Variants in FHIT observed in about 807,000 individuals in gnomAD.
FHIT encodes the protein fragile histidine triad diadenosine triphosphatase, also known as bis(5'-adenosyl)-triphosphatase.
FHIT carries 19 observed loss-of-function variants against 17.9 expected under a neutral mutation model. The ratio of observed to expected loss-of-function variants is 1.06; its 90% CI spans 0.74 to 1.56. The LOEUF (loss-of-function observed/expected upper bound fraction) is 1.56, where lower values mean the gene tolerates loss of function less well. Ranked by LOEUF, FHIT falls within the 40% of genes most tolerant of loss-of-function variation. The pLI, the probability that FHIT is intolerant of heterozygous loss-of-function variation, is 0.00. For missense variants in FHIT, 248 were observed against 189.2 expected (o/e 1.31, Z -1.82); for synonymous variants, 81 against 69.7 (o/e 1.16, Z -0.81).
At chr3:60,860,872 AT>A (rs1703760050) in intron 3 of FHIT, among the ~76,000 whole-genome samples, 1 of 97,052 alleles carries the variant, frequency 1.0e-5, no homozygotes, top group Non-Finnish European at 2.1e-5. Flanking sequence ...GTACATATAT[AT>A]CATGTATATA....
At chr3:60,947,236 C>G (rs535256729) in intron 3 of FHIT, among the ~76,000 whole-genome samples, 1 of 152,130 alleles carries the variant, frequency 6.6e-6, no homozygotes, top group Non-Finnish European at 1.5e-5. Context: ...AGCCTCCTCT[C>G]AGACTAAATT....
intron 2 of FHIT, among the ~76,000 whole-genome samples, chr3:61,098,624 CTTT>C (rs1429331983): frequency 6.6e-6 from 1 of 152,150 alleles, no homozygotes; most frequent in Admixed American, 6.5e-5. Flanking sequence ...TCTCTGATTT[CTTT>C]GAGCAGAATT....
At chr3:60,023,131 T>C (rs1380965760) in intron 5 of FHIT, among the ~76,000 whole-genome samples, 1 of 152,138 alleles carries the variant, frequency 6.6e-6, no homozygotes, top group African/African-American at 2.4e-5. Flanking sequence ...AAGAAATAAA[T>C]TGCACTCAGC....
chr3:60,062,511 G>A (rs212003), intron 5 of FHIT, among the ~76,000 whole-genome samples: 1 of 151,984 alleles, frequency 6.6e-6, no homozygotes, highest in Admixed American at 6.6e-5. Flanking sequence ...CAAAACTTAA[G>A]TTGCTTGTAT....
chr3:61,232,949 C>T (rs931476500), intron 1 of FHIT, among the ~76,000 whole-genome samples: 3 of 152,122 alleles, frequency 2.0e-5, no homozygotes, highest in Admixed American at 6.5e-5. Context: ...AGGAAAATAA[C>T]GTACATACAT....
chr3:60,552,447 T>G (rs1306816428), intron 4 of FHIT, among the ~76,000 whole-genome samples: 2 of 152,190 alleles, frequency 1.3e-5, no homozygotes, highest in African/African-American at 4.8e-5. Flanking sequence ...CCACCACCAA[T>G]GAAAGAGGGT....
At chr3:61,048,653 A>G (rs1451768571) in intron 2 of FHIT, among the ~76,000 whole-genome samples, 1 of 152,214 alleles carries the variant, frequency 6.6e-6, no homozygotes, top group Non-Finnish European at 1.5e-5. Flanking sequence ...ATTATAAATC[A>G]TGCTGCTACA....
chr3:60,324,144 A>G (rs1203797131), intron 5 of FHIT, among the ~76,000 whole-genome samples: 2 of 152,182 alleles, frequency 1.3e-5, no homozygotes, highest in Non-Finnish European at 2.9e-5. Flanking sequence ...TAGAAGTATT[A>G]ACTCATTTAC....
chr3:60,564,101 G>A (rs1480403130), intron 4 of FHIT, among the ~76,000 whole-genome samples: 1 of 152,132 alleles, frequency 6.6e-6, no homozygotes, highest in African/African-American at 2.4e-5. Flanking sequence ...GTTGAAGTCA[G>A]TGGTCCTTGA....
At chr3:60,252,200 G>A (rs1309551620) in intron 5 of FHIT, among the ~76,000 whole-genome samples, 1 of 152,096 alleles carries the variant, frequency 6.6e-6, no homozygotes. Context: ...ACACAAAGAT[G>A]AATCAGACGA....
chr3:61,141,049 G>T (rs2037066614), intron 2 of FHIT, among the ~76,000 whole-genome samples: 1 of 152,134 alleles, frequency 6.6e-6, no homozygotes. Context: ...TTTACAATTT[G>T]AGGATACATA....
At chr3:60,140,134 T>G (rs146696519) in intron 5 of FHIT, among the ~76,000 whole-genome samples, 2 of 151,112 alleles carry the variant, frequency 1.3e-5, no homozygotes, top group South Asian at 4.2e-4. Context: ...AAAAAAAAAA[T>G]TGGTTAATTG....
intron 5 of FHIT, among the ~76,000 whole-genome samples, chr3:60,375,825 CA>C (rs1248483860): frequency 6.6e-6 from 1 of 152,006 alleles, no homozygotes; most frequent in Non-Finnish European, 1.5e-5. Flanking sequence ...CCTATAGATG[CA>C]ATGCTGTCAA....
At chr3:60,472,172 G>A (rs911152804) in intron 5 of FHIT, among the ~76,000 whole-genome samples, 12 of 150,302 alleles carry the variant, frequency 8.0e-5, no homozygotes, top group Non-Finnish European at 1.3e-4. Flanking sequence ...AAAAAAAAGA[G>A]CAAAAACAAC....
Position 60,014,120 on chromosome 3 carries a change from G to T in FHIT, c.136C>A (p.Arg46Ser), listed in dbSNP as rs376796193. The change falls in exon 6 of 10, where the codon CGC becomes AGC. Residue 46 changes from arginine (R) to serine (S), a missense_variant. Physicochemically the swap from Arg to Ser is moderately radical, Grantham distance 110 (BLOSUM62 -1). Transcript: ENST00000492590. ...TCATCAGGACGCAGGTCATGGAAGCGCTCCACTGGCCGCAGCGGGCACACA... is the reference window on the plus strand; with the variant it reads ...TCATCAGGACGCAGGTCATGGAAGCTCTCCACTGGCCGCAGCGGGCACACA... ...VLVCPLRPVE[R>S]FHDLRPDEVA... 1 of 1,614,056 alleles carries T rather than the reference G, an allele frequency of 6.2e-7. No homozygotes were observed. The highest frequency in any genetic ancestry group is 1.1e-5 in the South Asian group (1 of 91,086).
intron 4 of FHIT, among the ~76,000 whole-genome samples, chr3:60,723,749 G>A (rs2041859439): frequency 6.6e-6 from 1 of 152,116 alleles, no homozygotes; most frequent in Non-Finnish European, 1.5e-5. Flanking sequence ...TGAGTCCTAG[G>A]AGTCCTCCTA....
chr3:61,238,190 G>A (rs1210603028), intron 1 of FHIT, among the ~76,000 whole-genome samples: 1 of 152,106 alleles, frequency 6.6e-6, no homozygotes, highest in Non-Finnish European at 1.5e-5. Context: ...GGGAGGAAAC[G>A]GGAGGCTATG....
chr3:60,169,058 T>G (rs539016935), intron 5 of FHIT, among the ~76,000 whole-genome samples: 14 of 152,282 alleles, frequency 9.2e-5, no homozygotes, highest in Non-Finnish European at 1.9e-4. Context: ...TGACCTAGAT[T>G]GTCAAAGGAT....
chr3:60,339,224 T>C (rs532859512), intron 5 of FHIT, among the ~76,000 whole-genome samples: 14 of 152,300 alleles, frequency 9.2e-5, no homozygotes, highest in African/African-American at 1.4e-4. Context: ...TCTTTCCTTT[T>C]TTTTCTTTCT....
Sources: gnomAD v4.1 joint callset for allele counts (sites outside exome capture counted in the v4.1 genomes callset) on GRCh38, gnomAD v4.1.1 for gene constraint, MANE v1.5 for transcripts, NCBI Gene and HGNC (gene_info 2026-07-23, HGNC 2026-07-21) for gene names.